Variants in DTNA observed in about 807,000 individuals in gnomAD.
The protein encoded by DTNA is dystrophin-related protein 3.
Under a neutral mutation model 100.7 loss-of-function variants are expected in DTNA, and 43 were observed. The observed-to-expected ratio is 0.43, with a 90% CI of 0.33 to 0.55. DTNA has a LOEUF of 0.55. DTNA is among the 20% of genes least tolerant of loss of function. DTNA has a pLI of 0.04. For missense variants in DTNA, 798 were observed against 953.9 expected, an observed-to-expected ratio of 0.84 and a Z score of 2.15; for synonymous variants, 349 against 347.9, an observed-to-expected ratio of 1.00 and a Z score of -0.04.
chr18:34,497,368 A>T (rs1008455558), intron 1 of DTNA, among the ~76,000 whole-genome samples: 3 of 152,212 alleles, frequency 2.0e-5, no homozygotes, highest in Non-Finnish European at 4.4e-5. Flanking sequence ...GACTAAATTT[A>T]TTGAACATGT....
chr18:34,634,161 A>ATT (rs1330347765), intron 1 of DTNA, among the ~76,000 whole-genome samples: 1 of 152,264 alleles, frequency 6.6e-6, no homozygotes, highest in East Asian at 1.9e-4. Context: ...CTGTGGTTGC[A>ATT]TTTTTCATCA....
At chr18:34,558,518 T>G (rs2046338579) in intron 1 of DTNA, among the ~76,000 whole-genome samples, 1 of 152,170 alleles carries the variant, frequency 6.6e-6, no homozygotes, top group African/African-American at 2.4e-5. Flanking sequence ...TTACTGCCCT[T>G]ATGGAGTGTA....
intron 1 of DTNA, among the ~76,000 whole-genome samples, chr18:34,662,115 G>T (rs1415917651): frequency 4.8e-5 from 7 of 146,988 alleles, no homozygotes; most frequent in Admixed American, 3.4e-4. Flanking sequence ...GCATCATTTT[G>T]TTGTTAAGAA....
At chr18:34,727,331 G>A (rs2086944700) in intron 1 of DTNA, among the ~76,000 whole-genome samples, 1 of 152,068 alleles carries the variant, frequency 6.6e-6, no homozygotes, top group African/African-American at 2.4e-5. Context: ...AAATACTTAT[G>A]ACCATTGACT....
chr18:34,793,667 G>A (rs1029510658), intron 3 of DTNA, among the ~76,000 whole-genome samples: 2 of 152,078 alleles, frequency 1.3e-5, no homozygotes, highest in South Asian at 2.1e-4. Context: ...CTTTTAAACC[G>A]ATAGACTTGG....
At chr18:34,839,492 G>A (rs1387982264) in intron 13 of DTNA, among the ~76,000 whole-genome samples, 1 of 152,144 alleles carries the variant, frequency 6.6e-6, no homozygotes, top group Admixed American at 6.6e-5. Context: ...CATTTTCATT[G>A]TGACATAGGA....
At chr18:34,740,704 G>C (rs1601202617) in intron 1 of DTNA, among the ~76,000 whole-genome samples, 1 of 152,048 alleles carries the variant, frequency 6.6e-6, no homozygotes, top group East Asian at 1.9e-4. Context: ...GCTGAAGCGG[G>C]AGGATAATTT....
chr18:34,750,629 C>A (rs2092223430), intron 1 of DTNA, among the ~76,000 whole-genome samples: 1 of 152,112 alleles, frequency 6.6e-6, no homozygotes, highest in African/African-American at 2.4e-5. Context: ...TTTTAGGCAG[C>A]CACTTTACCT....
At chr18:34,854,549 A>G (rs1409193747) in intron 15 of DTNA, among the ~76,000 whole-genome samples, 1 of 152,220 alleles carries the variant, frequency 6.6e-6, no homozygotes, top group Non-Finnish European at 1.5e-5. Flanking sequence ...TGCTGTTGGA[A>G]GGCTGTGCCA....
At chr18:34,769,753 C>CTTTTTTTT (rs1568462894) in intron 3 of DTNA, among the ~76,000 whole-genome samples, 10 of 33,194 alleles carry the variant, frequency 3.0e-4, no homozygotes, top group East Asian at 1.9e-3. Context: ...CAGAGTTTCA[C>CTTTTTTTT]TCTTTTTTCC....
chr18:34,558,488 C>T (rs1342601813), intron 1 of DTNA, among the ~76,000 whole-genome samples: 1 of 152,124 alleles, frequency 6.6e-6, no homozygotes, highest in Non-Finnish European at 1.5e-5. Context: ...GTCAGTAATA[C>T]AGCCATAAAC....
intron 1 of DTNA, among the ~76,000 whole-genome samples, chr18:34,742,756 G>T (rs138691240): frequency 7.1e-6 from 1 of 140,524 alleles, no homozygotes; most frequent in Non-Finnish European, 1.5e-5. Context: ...CTCAGAGTTA[G>T]GATAAGAAAT....
chr18:34,696,169 AC>A, intron 1 of DTNA, among the ~76,000 whole-genome samples: 1 of 152,288 alleles, frequency 6.6e-6, no homozygotes, highest in East Asian at 1.9e-4. Flanking sequence ...AGGATAAGAT[AC>A]CCCTGTCTTA....
At chr18:34,696,966 T>C (rs2080657950) in intron 1 of DTNA, among the ~76,000 whole-genome samples, 2 of 152,180 alleles carry the variant, frequency 1.3e-5, no homozygotes, top group South Asian at 2.1e-4. Context: ...CATTTTTGAT[T>C]GATGCCTGGG....
chr18:34,566,743 A>T (rs780274739), intron 1 of DTNA, among the ~76,000 whole-genome samples: 6 of 152,180 alleles, frequency 3.9e-5, no homozygotes, highest in Non-Finnish European at 7.3e-5. Context: ...TTCTCCAGGG[A>T]TCCTACTGAA....
intron 1 of DTNA, among the ~76,000 whole-genome samples, chr18:34,575,027 C>T (rs150194763): frequency 2.7e-4 from 41 of 152,312 alleles, no homozygotes; most frequent in Non-Finnish European, 5.0e-4. Context: ...AGTACAACAA[C>T]GTAGAAATAA....
At chr18:34,699,355 GCA>G (rs1349089362) in intron 1 of DTNA, among the ~76,000 whole-genome samples, 1 of 152,078 alleles carries the variant, frequency 6.6e-6, no homozygotes, top group Non-Finnish European at 1.5e-5. Context: ...TGCAGAAAAA[GCA>G]CACACTCTCT....
intron 1 of DTNA, among the ~76,000 whole-genome samples, chr18:34,592,158 C>T (rs1045491568): frequency 4.6e-5 from 7 of 152,054 alleles, no homozygotes; most frequent in South Asian, 2.1e-4. Flanking sequence ...AATTTGGAAA[C>T]CCCCAAATGC....
chr18:34,882,739 G>GA (rs1442704991), intron 21 of DTNA, among the ~76,000 whole-genome samples: 4 of 151,872 alleles, frequency 2.6e-5, no homozygotes, highest in East Asian at 3.9e-4. Flanking sequence ...TCTTATATTG[G>GA]AAAAAAACAA....
Sources: gnomAD v4.1 joint callset for allele counts (sites outside exome capture counted in the v4.1 genomes callset) on GRCh38, gnomAD v4.1.1 for gene constraint, MANE v1.5 for transcripts, NCBI Gene and HGNC (gene_info 2026-07-23, HGNC 2026-07-21) for gene names.